The following GRM7 variants were observed in gnomAD, a reference collection of about 807,000 sequenced individuals.
GRM7 encodes glutamate metabotropic receptor 7, also known as metabotropic glutamate receptor 7.
Under a neutral mutation model 84.5 loss-of-function variants are expected in GRM7, and 35 were observed. That is an observed-to-expected ratio of 0.41 (90% CI 0.32 to 0.55). The LOEUF is 0.55. GRM7 is among the 20% of genes least tolerant of loss of function. The probability of loss-of-function intolerance (pLI) is 0.19; values close to 1 mark genes in which losing one functional copy is unlikely to be tolerated. For missense variants in GRM7, 1,003 were observed against 1,194.6 expected, an observed-to-expected ratio of 0.84 and a Z score of 2.36; for synonymous variants, 487 against 455.1, an observed-to-expected ratio of 1.07 and a Z score of -0.89.
chr3:7,591,525 C>A, intron 8 of GRM7: 1 of 424,716 alleles, frequency 2.4e-6, no homozygotes, highest in Admixed American at 2.9e-5. Flanking sequence ...AGTTCCATTT[C>A]TAGGATTTTT....
At chr3:7,699,807 C>A (rs940931147) in intron 9 of GRM7, among the ~76,000 whole-genome samples, 5 of 152,094 alleles carry the variant, frequency 3.3e-5, no homozygotes, top group Non-Finnish European at 5.9e-5. Context: ...AAAAAAATAA[C>A]CTGATTGCCT....
chr3:7,580,580 A>G (rs1320974957), intron 8 of GRM7, among the ~76,000 whole-genome samples: 6 of 152,136 alleles, frequency 3.9e-5, no homozygotes, highest in African/African-American at 1.4e-4. Flanking sequence ...GATGTATTTT[A>G]CCTAAATTGT....
At chr3:7,441,076 CT>C (rs1226817352) in intron 5 of GRM7, among the ~76,000 whole-genome samples, 1 of 152,124 alleles carries the variant, frequency 6.6e-6, no homozygotes, top group South Asian at 2.1e-4. Context: ...GACCAAACTG[CT>C]TTCCACAGTG....
At chr3:6,870,508 C>T (rs1428407353) in intron 1 of GRM7, among the ~76,000 whole-genome samples, 1 of 152,138 alleles carries the variant, frequency 6.6e-6, no homozygotes, top group East Asian at 1.9e-4. Flanking sequence ...AAGGCCATCG[C>T]AGGCATTTTG....
At chr3:7,604,751 C>T (rs1696481425) in intron 8 of GRM7, among the ~76,000 whole-genome samples, 1 of 152,100 alleles carries the variant, frequency 6.6e-6, no homozygotes, top group Non-Finnish European at 1.5e-5. Flanking sequence ...TGAAACCATA[C>T]AAATACATAT....
intron 1 of GRM7, among the ~76,000 whole-genome samples, chr3:7,139,001 A>AT (rs1158313733): frequency 6.7e-6 from 1 of 148,678 alleles, no homozygotes; most frequent in Non-Finnish European, 1.5e-5. Context: ...CCTTTACTAT[A>AT]TTTTTTTAGT....
intron 2 of GRM7, among the ~76,000 whole-genome samples, chr3:7,170,289 G>T (rs980555385): frequency 6.6e-6 from 1 of 152,140 alleles, no homozygotes; most frequent in Non-Finnish European, 1.5e-5. Flanking sequence ...AAATCGTGGA[G>T]GCCAGTTTTC....
intron 7 of GRM7, among the ~76,000 whole-genome samples, chr3:7,563,434 G>A (rs192796674): frequency 8.4e-4 from 128 of 152,196 alleles, no homozygotes; most frequent in African/African-American, 3.0e-3. Flanking sequence ...AATAGATAAT[G>A]GCCCTACTTT....
intron 8 of GRM7, chr3:7,608,075 TG>T: frequency 5.5e-6 from 2 of 365,346 alleles, no homozygotes; most frequent in South Asian, 4.0e-5. Context: ...TGCTTTTTTA[TG>T]GCTGTACAGT....
At chr3:7,295,462 C>T (rs1699780612) in intron 2 of GRM7, among the ~76,000 whole-genome samples, 1 of 152,130 alleles carries the variant, frequency 6.6e-6, no homozygotes, top group Non-Finnish European at 1.5e-5. Context: ...ATTGTTTTGA[C>T]TATTTCCTTT....
intron 1 of GRM7, among the ~76,000 whole-genome samples, chr3:7,102,584 C>G (rs562622371): frequency 6.6e-6 from 1 of 151,696 alleles, no homozygotes. Flanking sequence ...ATGTACAAGT[C>G]GAGGTATTGT....
intron 1 of GRM7, among the ~76,000 whole-genome samples, chr3:7,041,275 C>G (rs1200667901): frequency 1.3e-5 from 2 of 151,282 alleles, no homozygotes; most frequent in African/African-American, 4.9e-5. Flanking sequence ...CCTCCTGTCT[C>G]CCTCTAATTC....
intron 5 of GRM7, among the ~76,000 whole-genome samples, chr3:7,449,345 C>G (rs886447775): frequency 6.6e-5 from 10 of 151,918 alleles, no homozygotes; most frequent in South Asian, 6.2e-4. Flanking sequence ...CTTGAGCAAA[C>G]GAAGATACAG....
At chr3:7,585,116 G>A (rs1357346290) in intron 8 of GRM7, among the ~76,000 whole-genome samples, 1 of 152,190 alleles carries the variant, frequency 6.6e-6, no homozygotes, top group African/African-American at 2.4e-5. Flanking sequence ...GTGTCCCAGT[G>A]CATAGTTTTT....
intron 8 of GRM7, among the ~76,000 whole-genome samples, 160 bp downstream of exon 8, chr3:7,579,517 C>T (rs1695140783): frequency 1.3e-5 from 2 of 152,124 alleles, no homozygotes; most frequent in African/African-American, 2.4e-5. Context: ...TTCAATGCTA[C>T]AAGAGTCTAA....
chr3:6,914,814 T>C (rs1158736422), intron 1 of GRM7, among the ~76,000 whole-genome samples: 2 of 152,172 alleles, frequency 1.3e-5, no homozygotes, highest in Non-Finnish European at 2.9e-5. Context: ...TTAGTGGATG[T>C]TCAATAAAGT....
intron 9 of GRM7, among the ~76,000 whole-genome samples, chr3:7,714,061 G>A (rs1701690838): frequency 6.6e-6 from 1 of 151,888 alleles, no homozygotes; most frequent in Non-Finnish European, 1.5e-5. Flanking sequence ...TTTTGTTTTT[G>A]AGTTTTTAAA....
At chr3:7,647,598 AG>A (rs776684636) in intron 8 of GRM7, among the ~76,000 whole-genome samples, 53 of 152,308 alleles carry the variant, frequency 3.5e-4, no homozygotes, top group Admixed American at 7.8e-4. Flanking sequence ...TTTTATTTAA[AG>A]AAAGAAAAAA....
intron 1 of GRM7, among the ~76,000 whole-genome samples, chr3:7,059,321 C>T (rs1463992316): frequency 2.6e-5 from 4 of 151,796 alleles, no homozygotes; most frequent in Non-Finnish European, 2.9e-5. Flanking sequence ...TCTAAAGAGC[C>T]ACTTTTTACT....
Sources: gnomAD v4.1 joint callset for allele counts (sites outside exome capture counted in the v4.1 genomes callset) on GRCh38, gnomAD v4.1.1 for gene constraint, MANE v1.5 for transcripts, NCBI Gene and HGNC (gene_info 2026-07-23, HGNC 2026-07-21) for gene names.